The following MYRFL variants were observed in gnomAD, a reference collection of about 807,000 sequenced individuals.
MYRFL encodes myelin regulatory factor like.
A neutral mutation model predicts 109.4 loss-of-function variants in MYRFL; 88 were observed. The observed-to-expected ratio is 0.80, with a 90% CI of 0.68 to 0.96. MYRFL has a LOEUF of 0.96. Among genes scored for constraint, MYRFL ranks in the 40% least tolerant of loss-of-function variants. The pLI, the probability that MYRFL is intolerant of heterozygous loss-of-function variation, is 0.00. For missense variants in MYRFL, 957 were observed against 954.9 expected (o/e 1.00, Z -0.03); for synonymous variants, 324 against 320.9 (o/e 1.01, Z -0.10).
At chr12:69,835,638 CT>C (rs1425024083) in intron 1 of MYRFL, among the ~76,000 whole-genome samples, 1 of 152,194 alleles carries the variant, frequency 6.6e-6, no homozygotes, top group Non-Finnish European at 1.5e-5. Flanking sequence ...CAATGATCCT[CT>C]TTTTTTCTTC....
intron 6 of MYRFL, 34 bp downstream of exon 6, chr12:69,887,004 A>T (rs1269780863): frequency 6.5e-7 from 1 of 1,533,098 alleles, no homozygotes; most frequent in South Asian, 1.2e-5. Context: ...GAGTGAGGGG[A>T]GAAAGACAGT....
chr12:69,935,888 T>C, intron 16 of MYRFL: 1 of 541,150 alleles, frequency 1.8e-6, no homozygotes, highest in South Asian at 3.1e-5. Flanking sequence ...TCCATCAGCA[T>C]GGAATACCTA....
intron 21 of MYRFL, 90 bp downstream of exon 21, chr12:69,952,976 A>AT: frequency 1.3e-6 from 1 of 779,400 alleles, no homozygotes; most frequent in Admixed American, 2.9e-5. Flanking sequence ...CTAAAGCTAC[A>AT]TGATAAAATC....
intron 13 of MYRFL, among the ~76,000 whole-genome samples, chr12:69,926,122 T>C (rs879697158): frequency 0.34 from 27,744 of 82,730 alleles, 1,650 homozygotes; most frequent in African/African-American, 0.37. Flanking sequence ...TTCTTCTTTT[T>C]TTTTTTTTTT....
At chr12:69,919,519 G>C (rs1954840925) in intron 13 of MYRFL, among the ~76,000 whole-genome samples, 1 of 152,182 alleles carries the variant, frequency 6.6e-6, no homozygotes, top group African/African-American at 2.4e-5. Context: ...AGGGAAGTCT[G>C]TCCTCCAGAG....
intron 13 of MYRFL, among the ~76,000 whole-genome samples, chr12:69,916,471 C>T (rs151052312): frequency 1.3e-3 from 205 of 152,282 alleles, no homozygotes; most frequent in Middle Eastern, 6.8e-3. Context: ...CAGTTAAACA[C>T]TCAGTACTAT....
chr12:69,913,631 G>A (rs1954645817), intron 13 of MYRFL, among the ~76,000 whole-genome samples: 1 of 152,088 alleles, frequency 6.6e-6, no homozygotes, highest in Non-Finnish European at 1.5e-5. Context: ...TTTCTGTGCT[G>A]TTTATTATAT....
At chr12:69,949,582 G>T (rs1955922964) in intron 19 of MYRFL, among the ~76,000 whole-genome samples, 1 of 152,058 alleles carries the variant, frequency 6.6e-6, no homozygotes, top group Admixed American at 6.5e-5. Flanking sequence ...ATGCGGCCCA[G>T]GACGGCTTTG....
chr12:69,869,861 T>TA, intron 2 of MYRFL, among the ~76,000 whole-genome samples: 1 of 152,084 alleles, frequency 6.6e-6, no homozygotes, highest in Non-Finnish European at 1.5e-5. Context: ...ATGAAAGAAA[T>TA]ACTGGCTGCA....
rs1485547897 is a variant in MYRFL at position 69,952,116 on chromosome 12, A to T, written c.2228A>T (p.Asp743Val). 3 of 1,536,004 alleles carry T rather than the reference A, an allele frequency of 2.0e-6. No homozygotes were observed. The highest frequency in any genetic ancestry group is 1.4e-5 in the African/African-American group (1 of 73,056). ...GACAGACTTGTTTCCTTTTCAGAAG[A>T]CAAAAGCAAATCAGTTTTGGCAAGA... ...KEFHQRRWSE[D>V]KSKSVLARNA... The change falls in exon 20 of 25, where the codon GAC (aspartate) becomes GTC (valine). Residue 743 changes from aspartate (D) to valine (V), a missense_variant. Transcript: ENST00000552032.
At chr12:69,885,853 T>C (rs1162221308) in intron 5 of MYRFL, among the ~76,000 whole-genome samples, 1 of 152,168 alleles carries the variant, frequency 6.6e-6, no homozygotes, top group East Asian at 1.9e-4. Flanking sequence ...CTGAAAGTGC[T>C]TTCACTTCCA....
chr12:69,943,198 G>T (rs528885376), intron 19 of MYRFL, among the ~76,000 whole-genome samples: 9 of 151,626 alleles, frequency 5.9e-5, no homozygotes, highest in Non-Finnish European at 1.0e-4. Flanking sequence ...AGTTCATATG[G>T]AACGAAAAAA....
Position 69,909,962 on chromosome 12 carries a change from A to T in MYRFL, c.1384-7A>T. ...GAGTAAAATCTGCTCTTCTTTAATT[A>T]AATTAGGTTGACACGAATGAACAGC... On this transcript the variant is annotated splice_region_variant and splice_polypyrimidine_tract_variant and intron_variant, in intron 11 of 24. Transcript: ENST00000552032. 6.6e-7 allele frequency: 1 copy of T among 1,517,878 alleles called. No homozygotes were observed. Among genetic ancestry groups the T allele is most frequent in the South Asian group, 1.2e-5 (1 of 80,716 alleles). The allele number at this position is 1,517,878 out of a possible 1,614,324, so 94.0% of individuals were successfully genotyped here.
At chr12:69,844,062 A>G (rs1883390528) in intron 1 of MYRFL, among the ~76,000 whole-genome samples, 1 of 152,236 alleles carries the variant, frequency 6.6e-6, no homozygotes, top group Admixed American at 6.5e-5. Context: ...TTTAGGAGCC[A>G]TTTGAGAGTT....
chr12:69,927,540 C>A (rs1955136094), intron 14 of MYRFL, 145 bp from the exon 15 acceptor site: 1 of 586,014 alleles, frequency 1.7e-6, no homozygotes, highest in Non-Finnish European at 2.9e-6. Context: ...AAAAGGAACT[C>A]TCCATTGCCA....
intron 14 of MYRFL, among the ~76,000 whole-genome samples, chr12:69,927,247 G>A (rs1196348432): frequency 6.6e-6 from 1 of 151,900 alleles, no homozygotes; most frequent in Non-Finnish European, 1.5e-5. Context: ...GCCCGGCCCT[G>A]TTGCTGTTTT....
chr12:69,827,558 A>G (rs1195662379), intron 1 of MYRFL, among the ~76,000 whole-genome samples: 3 of 152,038 alleles, frequency 2.0e-5, no homozygotes, highest in African/African-American at 7.2e-5. Flanking sequence ...GCCATGTGAG[A>G]TGTTTGGTTT....
chr12:69,935,723 C>CCATT (rs921978727), intron 16 of MYRFL, among the ~76,000 whole-genome samples: 1 of 152,178 alleles, frequency 6.6e-6, no homozygotes, highest in African/African-American at 2.4e-5. Flanking sequence ...AGTGCCAATG[C>CCATT]CCTCCACCGG....
chr12:69,932,362 G>A (rs538445444), intron 15 of MYRFL, 151 bp from the exon 16 acceptor site: 2 of 574,104 alleles, frequency 3.5e-6, no homozygotes, highest in African/African-American at 3.8e-5. Flanking sequence ...TTTCAGAGAG[G>A]CAGGGAGGAG....
Sources: gnomAD v4.1 joint callset for allele counts (sites outside exome capture counted in the v4.1 genomes callset) on GRCh38, gnomAD v4.1.1 for gene constraint, MANE v1.5 for transcripts, NCBI Gene and HGNC (gene_info 2026-07-23, HGNC 2026-07-21) for gene names.